SIDT1: variants seen among roughly 807,000 people sequenced by gnomAD.
The protein encoded by SIDT1 is SID1 transmembrane family, member 1.
In SIDT1, 101 loss-of-function variants were observed where a neutral mutation model predicts 107.5. The observed-to-expected ratio is 0.94, with a 90% confidence interval of 0.80 to 1.11. The LOEUF (loss-of-function observed/expected upper bound fraction) is 1.11. Ranked by LOEUF, SIDT1 falls within the 50% of genes least tolerant of loss-of-function variation. The pLI, the probability that SIDT1 is intolerant of heterozygous loss-of-function variation, is 0.00. For missense variants in SIDT1, 1,076 were observed against 1,058.2 expected (o/e 1.02, Z -0.23); for synonymous variants, 395 against 398.2 (o/e 0.99, Z 0.10).
intron 10 of SIDT1, among the ~76,000 whole-genome samples, chr3:113,599,213 C>T (rs1433135090): frequency 6.6e-6 from 1 of 152,232 alleles, no homozygotes; most frequent in African/African-American, 2.4e-5. Context: ...AGACCTACAA[C>T]ATCATCTAGG....
chr3:113,592,883 G>A, intron 9 of SIDT1, 122 bp from the exon 10 acceptor site: 1 of 817,664 alleles, frequency 1.2e-6, no homozygotes. Flanking sequence ...ACCGCACCTG[G>A]CCCCAAAGAC....
intron 3 of SIDT1, among the ~76,000 whole-genome samples, chr3:113,569,069 G>A (rs1576797243): frequency 6.6e-6 from 1 of 150,964 alleles, no homozygotes; most frequent in East Asian, 1.9e-4. Context: ...AGCCTGGGAG[G>A]TGGAGGTTGC....
chr3:113,611,126 G>T lies in SIDT1; in HGVS notation c.1839G>T (p.Met613Ile). 6.2e-7 allele frequency: 1 copy of T among 1,613,816 alleles called. No individual in the cohort carries two copies. The highest frequency in any genetic ancestry group is 8.5e-7 in the Non-Finnish European group (1 of 1,179,860). ...SAYASFAVVI[M>I]VTVLGVVFGK... ...ATGCCTCCTTTGCTGTGGTCATCAT[G>T]GTCACCGTCCTTGGAGTGGTGCGTC... Residue 613 changes from methionine (M) to isoleucine (I), a missense_variant, in exon 18 of 25, where the codon ATG becomes ATT. Transcript: ENST00000264852.
downstream of SIDT1, among the ~76,000 whole-genome samples, chr3:113,633,260 G>A (rs73857008): frequency 1.4e-3 from 210 of 152,256 alleles, 2 homozygotes; most frequent in African/African-American, 4.9e-3. Flanking sequence ...TCTGGTATCA[G>A]AGAAGGATGC....
intron 23 of SIDT1, among the ~76,000 whole-genome samples, chr3:113,624,138 A>G (rs946759730): frequency 3.3e-5 from 5 of 152,228 alleles, no homozygotes; most frequent in African/African-American, 1.2e-4. Flanking sequence ...AATTAGTGGT[A>G]TATCTGAGGC....
chr3:113,565,790 G>T (rs886795715), intron 1 of SIDT1, among the ~76,000 whole-genome samples: 1 of 152,056 alleles, frequency 6.6e-6, no homozygotes, highest in African/African-American at 2.4e-5. Context: ...ATTGTTGGTG[G>T]GAACATCAGG....
intron 1 of SIDT1, among the ~76,000 whole-genome samples, chr3:113,553,663 C>A (rs909783529): frequency 1.3e-5 from 2 of 152,150 alleles, no homozygotes; most frequent in African/African-American, 4.8e-5. Context: ...CAGATACCTG[C>A]GAGGAGGCTG....
chr3:113,583,342 C>T (rs1943503248), intron 6 of SIDT1, 67 bp from the exon 7 acceptor site: 2 of 1,193,142 alleles, frequency 1.7e-6, no homozygotes, highest in African/African-American at 1.5e-5. Context: ...CTGCCCCTAC[C>T]CCCAGGGACT....
Position 113,588,965 on chromosome 3 carries a change from A to C in SIDT1, c.1001+3695A>C, listed in dbSNP as rs114421895. 3.6e-3 allele frequency among the ~76,000 whole-genome samples: 551 copies of C among 152,288 alleles called. 4 individuals are homozygous for C. The highest frequency in any genetic ancestry group is 0.013 in the African/African-American group (524 of 41,548). On this transcript the variant is annotated intron_variant, in intron 9 of 24. Transcript: ENST00000264852. Reference sequence around the variant, plus strand: ...GAGAGTGTGGTCCACTGACAGATCAACTAAGAGCTAGCTCTTCTGGGCTGG... The same window carrying C: ...GAGAGTGTGGTCCACTGACAGATCACCTAAGAGCTAGCTCTTCTGGGCTGG...
intron 23 of SIDT1, among the ~76,000 whole-genome samples, chr3:113,624,996 A>G (rs1456055859): frequency 1.3e-5 from 2 of 152,094 alleles, no homozygotes; most frequent in Non-Finnish European, 2.9e-5. Context: ...TCGATTCCAT[A>G]TTTTGCCTAT....
intron 20 of SIDT1, 103 bp from the exon 21 acceptor site, chr3:113,619,577 A>C: frequency 1.0e-6 from 1 of 968,180 alleles, no homozygotes; most frequent in Non-Finnish European, 1.6e-6. Context: ...AATTATTTTC[A>C]CCAATGCAAT....
At chr3:113,596,541 G>T (rs2107627638) in intron 10 of SIDT1, among the ~76,000 whole-genome samples, 1 of 152,222 alleles carries the variant, frequency 6.6e-6, no homozygotes, top group East Asian at 1.9e-4. Context: ...GGACTTGAAG[G>T]GACTTTTTTA....
intron 10 of SIDT1, among the ~76,000 whole-genome samples, chr3:113,597,832 C>T (rs1944682214): frequency 1.3e-5 from 2 of 152,136 alleles, no homozygotes; most frequent in South Asian, 4.1e-4. Context: ...TATTTCCAGC[C>T]AGAACATCTT....
chr3:113,598,044 T>G (rs1392265027), intron 10 of SIDT1, among the ~76,000 whole-genome samples: 1 of 152,236 alleles, frequency 6.6e-6, no homozygotes, highest in Admixed American at 6.5e-5. Flanking sequence ...CATATTTAAT[T>G]GGTGCATATA....
chr3:113,614,092 TAGA>T (rs1046185536), intron 19 of SIDT1, among the ~76,000 whole-genome samples: 1 of 152,188 alleles, frequency 6.6e-6, no homozygotes, highest in African/African-American at 2.4e-5. Context: ...TCCCAAAATC[TAGA>T]AGGAGAGAGT....
chr3:113,553,535 A>T (rs1940506856), intron 1 of SIDT1, among the ~76,000 whole-genome samples: 1 of 152,216 alleles, frequency 6.6e-6, no homozygotes, highest in South Asian at 2.1e-4. Context: ...CAAACCAGAA[A>T]AATAATTATT....
At chr3:113,565,766 A>G (rs1205177309) in intron 1 of SIDT1, among the ~76,000 whole-genome samples, 1 of 152,168 alleles carries the variant, frequency 6.6e-6, no homozygotes, top group Non-Finnish European at 1.5e-5. Flanking sequence ...TGTTCTGGGG[A>G]AGCGTCATGA....
chr3:113,568,106 T>G (rs567391354), intron 3 of SIDT1, among the ~76,000 whole-genome samples: 1 of 152,318 alleles, frequency 6.6e-6, no homozygotes, highest in Admixed American at 6.5e-5. Context: ...TACTCCTGTT[T>G]TCTCCTTCCA....
chr3:113,576,472 A>T (rs1576822906), intron 3 of SIDT1, among the ~76,000 whole-genome samples: 1 of 152,030 alleles, frequency 6.6e-6, no homozygotes, highest in Non-Finnish European at 1.5e-5. Flanking sequence ...GTAAAAGGTG[A>T]CCCATTTTGC....
Sources: allele counts gnomAD v4.1 joint callset (sites outside exome capture counted in the v4.1 genomes callset), GRCh38; gene constraint gnomAD v4.1.1; transcripts MANE v1.5; gene names NCBI Gene and HGNC (gene_info 2026-07-23, HGNC 2026-07-21).